TMEM232: variants seen among roughly 807,000 people sequenced by gnomAD.
TMEM232 encodes transmembrane protein 232.
A neutral mutation model predicts 78.8 loss-of-function variants in TMEM232; 80 were observed. That is an observed-to-expected ratio of 1.01 (90% CI 0.85 to 1.22). The LOEUF (loss-of-function observed/expected upper bound fraction) is 1.22, where lower values mean the gene tolerates loss of function less well. Among genes scored for constraint, TMEM232 ranks in the 50% most tolerant of loss-of-function variants. TMEM232 has a pLI of 0.00. For synonymous variants in TMEM232, 297 were observed against 254.3 expected, an observed-to-expected ratio of 1.17 and a Z score of -1.60; for missense variants, 881 against 742.2, an observed-to-expected ratio of 1.19 and a Z score of -2.17.
In TMEM232 at chr5:110,706,845, T is replaced by G. The variant is rs183461506; in HGVS notation, c.-13+19782A>C. ...CATAATGAAAAGAAATACAGTAGCT[T>G]TTGCATTCTCATTGACATAGCAGAG... On this transcript the variant is annotated intron_variant, in intron 1 of 13. Coordinates refer to ENST00000455884, the MANE Select transcript of TMEM232 (RefSeq NM_001039763.4). Among the ~76,000 whole-genome samples, 3 of 152,226 alleles carry G rather than the reference T, an allele frequency of 2.0e-5. No individual in the cohort carries two copies. In the East Asian group the frequency reaches 5.8e-4, roughly 29 times the overall value.
At chr5:110,625,798 A>G (rs1281340688) in intron 6 of TMEM232, among the ~76,000 whole-genome samples, 2 of 146,880 alleles carry the variant, frequency 1.4e-5, no homozygotes, top group African/African-American at 2.5e-5. Context: ...AAAGAAATCA[A>G]TGTCATTGAT....
At chr5:110,727,367 T>G (rs1401252009), upstream of TMEM232, among the ~76,000 whole-genome samples, 11 of 152,314 alleles carry the variant, frequency 7.2e-5, no homozygotes, top group East Asian at 2.1e-3. Flanking sequence ...ATCCCAGCAC[T>G]TTGGGAGGCC....
intron 12 of TMEM232, among the ~76,000 whole-genome samples, chr5:110,522,109 G>A (rs1156334500): frequency 2.0e-5 from 3 of 152,078 alleles, no homozygotes; most frequent in Non-Finnish European, 4.4e-5. Context: ...CCAAGGTTTT[G>A]TAGTTTTCAA....
chr5:110,491,895 A>G (rs1383122823), intron 12 of TMEM232, among the ~76,000 whole-genome samples: 1 of 151,918 alleles, frequency 6.6e-6, no homozygotes, highest in Non-Finnish European at 1.5e-5. Context: ...AATAAATTAT[A>G]AATAGAGATT....
At chr5:110,729,889 T>G (rs1271799926), upstream of TMEM232, among the ~76,000 whole-genome samples, 2 of 152,220 alleles carry the variant, frequency 1.3e-5, no homozygotes, top group Non-Finnish European at 2.9e-5. Flanking sequence ...TCAACCAAAG[T>G]GACACATTCA....
At chr5:110,412,463 C>T (rs1291389709) in intron 2 of TMEM232, among the ~76,000 whole-genome samples, 3 of 152,122 alleles carry the variant, frequency 2.0e-5, no homozygotes, top group African/African-American at 4.8e-5. Flanking sequence ...CCACCTTTCT[C>T]GCTTGGGTTG....
At chr5:110,407,285 T>G (rs987514285) in intron 2 of TMEM232, among the ~76,000 whole-genome samples, 2 of 152,060 alleles carry the variant, frequency 1.3e-5, no homozygotes, top group African/African-American at 4.8e-5. Context: ...CCTAACTACA[T>G]GTTGCCTCAA....
At chr5:110,736,647 T>A (rs1799200933) in intron 1 of TMEM232, among the ~76,000 whole-genome samples, 2 of 152,058 alleles carry the variant, frequency 1.3e-5, no homozygotes, top group Admixed American at 6.6e-5. Context: ...ATTATTACTA[T>A]TTTTTGCCTC....
In TMEM232 at chr5:110,638,259, C is replaced by T. The variant is rs1786167655; in HGVS notation, c.440G>A (p.Arg147Lys). The change falls in exon 5 of 14, where the codon AGA becomes AAA. Residue 147 changes from arginine to lysine, a missense_variant. Coordinates refer to ENST00000455884, the MANE Select transcript of TMEM232 (RefSeq NM_001039763.4). ...LFFVAESVLY[R>K]LCCDASLKTY... Reference sequence around the variant, plus strand: ...TTTGAGGGATGCATCACAACACAGTCTGTATAAAACCGATTCCGCAACAAA... The same window carrying T: ...TTTGAGGGATGCATCACAACACAGTTTGTATAAAACCGATTCCGCAACAAA... 6.4e-7 allele frequency: 1 copy of T among 1,550,636 alleles called. No individual in the cohort carries two copies.
chr5:110,404,468 A>C (rs1489866144), intron 2 of TMEM232, among the ~76,000 whole-genome samples: 1 of 152,028 alleles, frequency 6.6e-6, no homozygotes, highest in Non-Finnish European at 1.5e-5. Context: ...TAAAAACTCT[A>C]CTCTGAAAAA....
chr5:110,524,657 G>C (rs1327639495), intron 12 of TMEM232, among the ~76,000 whole-genome samples: 1 of 152,050 alleles, frequency 6.6e-6, no homozygotes, highest in East Asian at 1.9e-4. Flanking sequence ...ATGTCCATTA[G>C]GTCCATTTGG....
intron 1 of TMEM232, among the ~76,000 whole-genome samples, chr5:110,714,660 T>G (rs543746287): frequency 1.3e-5 from 2 of 152,294 alleles, no homozygotes; most frequent in East Asian, 3.9e-4. Flanking sequence ...TTTGACCAGT[T>G]TATATTTAGC....
intron 1 of TMEM232, among the ~76,000 whole-genome samples, chr5:110,712,935 T>C (rs1043773438): frequency 6.6e-6 from 1 of 152,176 alleles, no homozygotes; most frequent in African/African-American, 2.4e-5. Context: ...GGGAAATTAG[T>C]ATATCAAAAA....
At chr5:110,726,959 G>T (rs567419616), upstream of TMEM232, among the ~76,000 whole-genome samples, 8 of 152,286 alleles carry the variant, frequency 5.3e-5, no homozygotes, top group African/African-American at 1.9e-4. Flanking sequence ...TCTTAATGCT[G>T]CTTCCCCAAA....
chr5:110,399,878 T>A (rs73782453), intron 2 of TMEM232, among the ~76,000 whole-genome samples: 5,499 of 152,210 alleles, frequency 0.036, 139 homozygotes, highest in African/African-American at 0.07. Flanking sequence ...ATTATCGTAG[T>A]CTCCCCAAAG....
upstream of TMEM232, chr5:110,738,286 CAATT>C: frequency 1.6e-6 from 2 of 1,264,956 alleles, no homozygotes; most frequent in Non-Finnish European, 1.0e-6. Flanking sequence ...CTCAGTTATT[CAATT>C]AGAGGTCCCA....
At chr5:110,445,699 A>T (rs543310441) in intron 12 of TMEM232, among the ~76,000 whole-genome samples, 1 of 152,282 alleles carries the variant, frequency 6.6e-6, no homozygotes, top group South Asian at 2.1e-4. Context: ...GGACACATCA[A>T]AGTTCAACTA....
At chr5:110,450,533 C>T (rs2112820607) in intron 12 of TMEM232, among the ~76,000 whole-genome samples, 1 of 152,166 alleles carries the variant, frequency 6.6e-6, no homozygotes. Context: ...CCCCTGGATT[C>T]ACTCTCCCTG....
chr5:110,709,129 A>G (rs759695435), intron 1 of TMEM232, among the ~76,000 whole-genome samples: 24 of 152,138 alleles, frequency 1.6e-4, no homozygotes, highest in Non-Finnish European at 2.9e-4. Context: ...CCATAAGAAG[A>G]GAGAAACAAG....
Sources: allele counts gnomAD v4.1 joint callset (sites outside exome capture counted in the v4.1 genomes callset), GRCh38; gene constraint gnomAD v4.1.1; transcripts MANE v1.5; gene names NCBI Gene and HGNC (gene_info 2026-07-23, HGNC 2026-07-21).